Variants in DACH1 observed in about 807,000 individuals in gnomAD.
DACH1 encodes the protein dachshund family transcription factor 1, also known as dachshund homolog 1.
Under a neutral mutation model 54.2 loss-of-function variants are expected in DACH1, and 12 were observed. That is an observed-to-expected ratio of 0.22 (90% confidence interval 0.14 to 0.36). The LOEUF is 0.36. DACH1 is among the 10% of genes least tolerant of loss of function. The pLI, the probability that DACH1 is intolerant of heterozygous loss-of-function variation, is 1.00. For synonymous variants in DACH1, 386 were observed against 366.2 expected, an observed-to-expected ratio of 1.05 and a Z score of -0.62; for missense variants, 805 against 929.8, an observed-to-expected ratio of 0.87 and a Z score of 1.75.
At chr13:71,862,659 T>C (rs371635410) in intron 1 of DACH1, among the ~76,000 whole-genome samples, 7 of 152,046 alleles carry the variant, frequency 4.6e-5, no homozygotes, top group African/African-American at 1.7e-4. Flanking sequence ...TTATTCTAGT[T>C]TTCATAGATA....
At chr13:71,759,568 G>A (rs566664907) in intron 1 of DACH1, among the ~76,000 whole-genome samples, 1 of 152,288 alleles carries the variant, frequency 6.6e-6, no homozygotes, top group South Asian at 2.1e-4. Context: ...CTTCAATAAT[G>A]ATTACTAAAC....
At chr13:71,578,498 C>T (rs1209391212) in intron 3 of DACH1, among the ~76,000 whole-genome samples, 1 of 152,122 alleles carries the variant, frequency 6.6e-6, no homozygotes, top group African/African-American at 2.4e-5. Context: ...TATAAAACGT[C>T]AGCAGTAATG....
chr13:71,655,935 A>T (rs376469408), intron 2 of DACH1, among the ~76,000 whole-genome samples: 1 of 152,362 alleles, frequency 6.6e-6, no homozygotes, highest in Middle Eastern at 3.4e-3. Flanking sequence ...ATTCTGGAAC[A>T]GTCACATTTT....
intron 2 of DACH1, among the ~76,000 whole-genome samples, chr13:71,662,710 A>G (rs1376555447): frequency 6.6e-6 from 1 of 152,028 alleles, no homozygotes; most frequent in African/African-American, 2.4e-5. Flanking sequence ...TCCACAAAAA[A>G]TATTGCTATC....
intron 10 of DACH1, among the ~76,000 whole-genome samples, chr13:71,445,427 T>C (rs1874364422): frequency 1.3e-5 from 2 of 152,336 alleles, no homozygotes; most frequent in South Asian, 2.1e-4. Context: ...TTAATAAATA[T>C]GTCTCCTATT....
intron 1 of DACH1, among the ~76,000 whole-genome samples, chr13:71,822,685 C>T (rs1205079596): frequency 6.6e-6 from 1 of 152,166 alleles, no homozygotes; most frequent in Admixed American, 6.5e-5. Flanking sequence ...TAACCTGTCA[C>T]TTTAGACACC....
At chr13:71,460,520 G>T (rs1325793881) in intron 10 of DACH1, among the ~76,000 whole-genome samples, 2 of 151,906 alleles carry the variant, frequency 1.3e-5, no homozygotes, top group Non-Finnish European at 2.9e-5. Context: ...TTTCTGGGTG[G>T]ATGATTGGGT....
At chr13:71,462,551 G>C (rs1876174388) in intron 10 of DACH1, among the ~76,000 whole-genome samples, 1 of 151,590 alleles carries the variant, frequency 6.6e-6, no homozygotes, top group South Asian at 2.1e-4. Flanking sequence ...GAGAATGCAA[G>C]ATATGTTTAA....
At chr13:71,599,411 T>G (rs1169075416) in intron 3 of DACH1, among the ~76,000 whole-genome samples, 1 of 152,168 alleles carries the variant, frequency 6.6e-6, no homozygotes, top group Non-Finnish European at 1.5e-5. Flanking sequence ...ATTCCTGGGC[T>G]TTCAGGGGTA....
chr13:71,837,035 A>C (rs1888817387), intron 1 of DACH1, among the ~76,000 whole-genome samples: 1 of 151,926 alleles, frequency 6.6e-6, no homozygotes, highest in African/African-American at 2.4e-5. Flanking sequence ...CACAATTCTG[A>C]GGCCTCTTAA....
intron 4 of DACH1, among the ~76,000 whole-genome samples, chr13:71,566,732 C>A (rs1593906384): frequency 6.6e-6 from 1 of 151,964 alleles, no homozygotes; most frequent in Non-Finnish European, 1.5e-5. Flanking sequence ...AGGTTAACAT[C>A]TTTTTTCATA....
intron 6 of DACH1, among the ~76,000 whole-genome samples, chr13:71,548,554 T>C (rs1883604560): frequency 6.6e-6 from 1 of 152,136 alleles, no homozygotes; most frequent in Non-Finnish European, 1.5e-5. Context: ...ATTTACAAAA[T>C]TAAAATGTGC....
intron 2 of DACH1, among the ~76,000 whole-genome samples, chr13:71,638,643 T>G (rs2138590368): frequency 6.6e-6 from 1 of 152,272 alleles, no homozygotes. Flanking sequence ...AACTAGAAGA[T>G]TAGTGGAAAG....
chr13:71,696,841 C>T (rs1007399760), intron 1 of DACH1, among the ~76,000 whole-genome samples: 1 of 152,050 alleles, frequency 6.6e-6, no homozygotes, highest in Admixed American at 6.5e-5. Flanking sequence ...CCACCGTGCC[C>T]GGCCTGAAAT....
intron 1 of DACH1, among the ~76,000 whole-genome samples, chr13:71,832,135 T>G (rs1204700815): frequency 1.3e-5 from 2 of 151,956 alleles, no homozygotes; most frequent in Non-Finnish European, 1.5e-5. Context: ...GTGCTTGGTG[T>G]TTAGACAGTA....
Position 71,443,245 on chromosome 13 carries a change from T to A in DACH1, c.2084-2553A>T, listed in dbSNP as rs1317522428. Among the ~76,000 whole-genome samples, 3 of 151,932 alleles carry A rather than the reference T, an allele frequency of 2.0e-5. No individual in the cohort carries two copies. In the East Asian group the frequency reaches 5.8e-4, roughly 29 times the overall value. On this transcript the variant is annotated intron_variant, in intron 10 of 10. Coordinates refer to ENST00000613252, the MANE Select transcript of DACH1 (RefSeq NM_080759.6). ...TATCAGTTGCCTCTCTTAAAATTAA[T>A]CTAGTTCAACTTTAAGAATAATAAT... is the stretch of plus-strand genomic sequence containing the variant.
At chr13:71,826,116 A>C (rs1034215336) in intron 1 of DACH1, among the ~76,000 whole-genome samples, 1 of 152,160 alleles carries the variant, frequency 6.6e-6, no homozygotes, top group African/African-American at 2.4e-5. Flanking sequence ...ACTGCTTCCC[A>C]TTAAAAGTTA....
At chr13:71,737,301 A>T (rs1269546795) in intron 1 of DACH1, among the ~76,000 whole-genome samples, 3 of 152,140 alleles carry the variant, frequency 2.0e-5, no homozygotes, top group African/African-American at 7.2e-5. Flanking sequence ...CAAAACCATG[A>T]AGATAGTTTT....
intron 1 of DACH1, among the ~76,000 whole-genome samples, chr13:71,805,006 T>G (rs1264584749): frequency 6.6e-6 from 1 of 152,156 alleles, no homozygotes; most frequent in Non-Finnish European, 1.5e-5. Flanking sequence ...TAGCTACATG[T>G]GTCTATTTAA....
Sources: allele counts gnomAD v4.1 joint callset (sites outside exome capture counted in the v4.1 genomes callset), GRCh38; gene constraint gnomAD v4.1.1; transcripts MANE v1.5; gene names NCBI Gene and HGNC (gene_info 2026-07-23, HGNC 2026-07-21).